The following KIAA0319 variants were observed in gnomAD, a reference collection of about 807,000 sequenced individuals.
KIAA0319 encodes the protein KIAA0319.
KIAA0319 carries 83 observed loss-of-function variants against 108.4 expected under a neutral mutation model. The ratio of observed to expected loss-of-function variants is 0.77; its 90% CI spans 0.64 to 0.92. The LOEUF is 0.92. Ranked by LOEUF, KIAA0319 falls within the 40% of genes least tolerant of loss-of-function variation. KIAA0319 has a pLI of 0.00. For missense variants in KIAA0319, 1,195 were observed against 1,322.4 expected, an observed-to-expected ratio of 0.90 and a Z score of 1.49; for synonymous variants, 484 against 510.4, an observed-to-expected ratio of 0.95 and a Z score of 0.70.
At chr6:24,630,105 GGAGGTGGAGGTTGCCGTGA>G (rs891958263) in intron 1 of KIAA0319, among the ~76,000 whole-genome samples, 3 of 152,054 alleles carry the variant, frequency 2.0e-5, no homozygotes, top group African/African-American at 4.8e-5. Context: ...CTTGAACCTG[GGAGGTGGAGGTTGCCGTGA>G]GAAGAGATTG....
In KIAA0319 at chr6:24,612,322, C is replaced by A. The variant is rs369213709; in HGVS notation, c.-105-11114G>T. On this transcript the variant is annotated intron_variant, in intron 1 of 20. Transcript: ENST00000378214. ...AAAGAATTAGCCAAGCATAGTGGCA[C>A]CACCTGTAATGCCAGCTACTCGGGA... Among the ~76,000 whole-genome samples, 14 of 151,894 alleles carry A rather than the reference C, an allele frequency of 9.2e-5. 1 individual carries two copies. The South Asian group carries it at 2.7e-3, about 29-fold the overall frequency.
At chr6:24,586,998 A>G (rs1032036845) in intron 4 of KIAA0319, among the ~76,000 whole-genome samples, 1 of 151,388 alleles carries the variant, frequency 6.6e-6, no homozygotes, top group African/African-American at 2.4e-5. Context: ...ATGATCTCCT[A>G]TGTCCCCCGT....
At position 24,593,747 on chromosome 6, in the gene KIAA0319, C is replaced by T. The variant is rs1266699327; in HGVS notation, c.801+2126G>A. Among the ~76,000 whole-genome samples the T allele has an allele frequency of 2.0e-5, 3 of 151,748 alleles. No individual in the cohort carries two copies. In the East Asian group the frequency reaches 5.8e-4, roughly 29 times the overall value. ...AAACCAACCTCAAAGAACTAATGAGCCAAAAGATTTTTAATAGAGCTTGAT... is the reference window on the plus strand; with the variant it reads ...AAACCAACCTCAAAGAACTAATGAGTCAAAAGATTTTTAATAGAGCTTGAT... On this transcript the variant is annotated intron_variant, in intron 3 of 20. Coordinates refer to ENST00000378214, the MANE Select transcript of KIAA0319 (RefSeq NM_014809.4).
intron 14 of KIAA0319, among the ~76,000 whole-genome samples, chr6:24,565,558 T>C (rs563956408): frequency 6.6e-6 from 1 of 152,032 alleles, no homozygotes; most frequent in East Asian, 1.9e-4. Flanking sequence ...ATCAAGACCA[T>C]CCTGGCCAAC....
intron 20 of KIAA0319, among the ~76,000 whole-genome samples, chr6:24,551,088 T>G (rs1376177150): frequency 2.0e-5 from 3 of 151,974 alleles, no homozygotes; most frequent in Middle Eastern, 3.5e-3. Flanking sequence ...AAGCTATTCT[T>G]CTGCCTCAGC....
At chr6:24,596,837 A>G (rs180995697) in intron 2 of KIAA0319, among the ~76,000 whole-genome samples, 9 of 151,114 alleles carry the variant, frequency 6.0e-5, no homozygotes, top group East Asian at 3.9e-4. Context: ...TCTTCCATCT[A>G]CTCATCCTTT....
chr6:24,559,034 C>G lies in KIAA0319; in HGVS notation c.2713G>C (p.Val905Leu), dbSNP rs1160745367. 7 of 1,612,298 alleles carry G rather than the reference C, an allele frequency of 4.3e-6. No individual in the cohort carries two copies. The highest frequency in any genetic ancestry group is 5.9e-6 in the Non-Finnish European group (7 of 1,179,374). ...KEKADFLLFK[V>L]LRVDTAGCLL... ...CTACCTGCTGTATCAACCCTCAAGA[C>G]CTTGAAAAGCAAGAAGTCAGCCTTC... The change falls in exon 17 of 21, where the codon GTC becomes CTC. Residue 905 changes from valine (V) to leucine (L), a missense_variant. Transcript: ENST00000378214.
In KIAA0319 at chr6:24,576,477, G is replaced by C; in HGVS notation, c.1625C>G (p.Pro542Arg). ...TCCATTCAAAGTGATGGAGTTTTGG[G>C]GCAAAGTTATGGTGTGATTTGGTCC... is the stretch of plus-strand genomic sequence containing the variant. Reference protein sequence around the residue: ...NAGPNHTITLPQNSITLNGNQ... With the variant: ...NAGPNHTITLRQNSITLNGNQ... Residue 542 changes from proline (P) to arginine (R), a missense_variant, in exon 10 of 21, where the codon CCC becomes CGC. Pro to Arg is a moderately radical substitution (Grantham distance 103, BLOSUM62 -2). Coordinates refer to ENST00000378214, the MANE Select transcript of KIAA0319 (RefSeq NM_014809.4). 6.2e-7 allele frequency: 1 copy of C among 1,614,106 alleles called. No homozygotes were observed.
chr6:24,583,545 A>AC, intron 5 of KIAA0319, 59 bp downstream of exon 5: 1 of 1,115,674 alleles, frequency 9.0e-7, no homozygotes, highest in Non-Finnish European at 1.4e-6. Flanking sequence ...GCCTGTAAGG[A>AC]CCTGCTGAAG....
chr6:24,600,105 T>G (rs1386866342), intron 2 of KIAA0319, among the ~76,000 whole-genome samples: 5 of 151,904 alleles, frequency 3.3e-5, no homozygotes, highest in Non-Finnish European at 7.4e-5. Context: ...GAATTGATAT[T>G]TTGAATTAAG....
chr6:24,636,675 A>G (rs2206525), intron 1 of KIAA0319, among the ~76,000 whole-genome samples: 107,186 of 152,162 alleles, frequency 0.7, 38,334 homozygotes, highest in East Asian at 0.87. Flanking sequence ...TGAATAACTC[A>G]TTTTAAAAAT....
At position 24,596,348 on chromosome 6, in the gene KIAA0319, C is replaced by T. The variant is rs758444280; in HGVS notation, c.326G>A (p.Arg109Lys). The T allele has an allele frequency of 2.5e-6, 4 of 1,614,112 alleles. No homozygotes were observed. The highest frequency in any genetic ancestry group is 3.4e-6 in the Non-Finnish European group (4 of 1,180,058). ...YLTFVLRPVQ[R>K]PAQLLDYGDM... ...CCCATAGTCCAGCAGCTGTGCAGGCCTCTGAACAGGCCGGAGCACAAAAGT... is the reference window on the plus strand; with the variant it reads ...CCCATAGTCCAGCAGCTGTGCAGGCTTCTGAACAGGCCGGAGCACAAAAGT... The change falls in exon 3 of 21, where the codon AGG becomes AAG. Residue 109 changes from arginine (R) to lysine (K), a missense_variant. Physicochemically the swap from Arg to Lys is conservative, Grantham distance 26. Coordinates refer to ENST00000378214, the MANE Select transcript of KIAA0319 (RefSeq NM_014809.4).
chr6:24,630,508 CAAAAAA>C (rs66787757), intron 1 of KIAA0319, among the ~76,000 whole-genome samples: 16 of 104,450 alleles, frequency 1.5e-4, no homozygotes, highest in Admixed American at 4.1e-4. Flanking sequence ...GATTCTGTCT[CAAAAAA>C]AAAAAAAAAA....
At chr6:24,610,192 T>C (rs1772089789) in intron 1 of KIAA0319, among the ~76,000 whole-genome samples, 1 of 152,090 alleles carries the variant, frequency 6.6e-6, no homozygotes, top group Admixed American at 6.5e-5. Context: ...AAAAATCTAA[T>C]AAGGGATTTG....
intron 1 of KIAA0319, among the ~76,000 whole-genome samples, chr6:24,602,974 A>G (rs757740409): frequency 6.6e-6 from 1 of 152,224 alleles, no homozygotes; most frequent in Non-Finnish European, 1.5e-5. Flanking sequence ...TCCTTTTTAC[A>G]TATGCACAAG....
intron 1 of KIAA0319, among the ~76,000 whole-genome samples, chr6:24,630,531 A>T (rs9467241): frequency 6.9e-6 from 1 of 144,234 alleles, no homozygotes; most frequent in Non-Finnish European, 1.5e-5. Context: ...AAAAAAAAAA[A>T]GAAAGAACGA....
intron 1 of KIAA0319, among the ~76,000 whole-genome samples, chr6:24,631,974 T>C (rs1209417868): frequency 6.6e-6 from 1 of 152,254 alleles, no homozygotes; most frequent in Non-Finnish European, 1.5e-5. Flanking sequence ...TACTAACCTT[T>C]AGTATCAGGC....
At chr6:24,576,726 G>T in intron 9 of KIAA0319, 130 bp from the exon 10 acceptor site, 1 of 714,954 alleles carries the variant, frequency 1.4e-6, no homozygotes, top group Non-Finnish European at 2.4e-6. Context: ...TCTGAGACCA[G>T]CTGGGCCATA....
At position 24,574,679 on chromosome 6, in the gene KIAA0319, A is replaced by T. The variant is rs569591859; in HGVS notation, c.1734+1689T>A. ...TAGATCCCAAGATTGTCTATAGATA[A>T]ATGTTTCTATGTGTATTTTTTAAGG... On this transcript the variant is annotated intron_variant, in intron 10 of 20. Coordinates refer to ENST00000378214, the MANE Select transcript of KIAA0319 (RefSeq NM_014809.4). Among the ~76,000 whole-genome samples, 17 of 152,296 alleles carry T rather than the reference A, an allele frequency of 1.1e-4. No homozygotes were observed. The South Asian group carries it at 3.3e-3, about 30-fold the overall frequency.
Sources: gnomAD v4.1 joint callset for allele counts (sites outside exome capture counted in the v4.1 genomes callset) on GRCh38, gnomAD v4.1.1 for gene constraint, MANE v1.5 for transcripts, NCBI Gene and HGNC (gene_info 2026-07-23, HGNC 2026-07-21) for gene names.